TPX2: variants seen among roughly 807,000 people sequenced by gnomAD.
The protein encoded by TPX2 is targeting protein for Xklp2.
Under a neutral mutation model 93.6 loss-of-function variants are expected in TPX2, and 21 were observed. The observed-to-expected ratio is 0.22, with a 90% CI of 0.16 to 0.32. TPX2 has a LOEUF of 0.32. TPX2 is among the 10% of genes least tolerant of loss of function. The probability of loss-of-function intolerance (pLI) is 1.00; values close to 1 mark genes in which losing one functional copy is unlikely to be tolerated. For synonymous variants in TPX2, 281 were observed against 298.3 expected (o/e 0.94, Z 0.60); for missense variants, 776 against 871.1 (o/e 0.89, Z 1.37).
At chr20:31,788,482 G>C (rs2062081214) in intron 12 of TPX2, among the ~76,000 whole-genome samples, 1 of 147,614 alleles carries the variant, frequency 6.8e-6, no homozygotes, top group African/African-American at 2.5e-5. Flanking sequence ...CAGAATTTAA[G>C]AGCCCACCTT....
At chr20:31,755,636 G>A (rs778444740) in intron 2 of TPX2, among the ~76,000 whole-genome samples, 15 of 151,878 alleles carry the variant, frequency 9.9e-5, no homozygotes, top group Admixed American at 1.3e-4. Context: ...GGCTGTGGGC[G>A]CCTGTAATTC....
Position 31,751,742 on chromosome 20 carries a change from T to A in TPX2, c.-70-5665T>A, listed in dbSNP as rs180748464. Among the ~76,000 whole-genome samples, 154 of 152,286 alleles carry A rather than the reference T, an allele frequency of 1.0e-3. 3 individuals carry two copies. The South Asian group carries it at 0.01, about 10-fold the overall frequency. ...AATGTGGCTATAATGGTTTATACAA[T>A]AATTATTATTATTTTCTGAGATGAA... On this transcript the variant is annotated intron_variant, in intron 2 of 17. Coordinates refer to ENST00000300403, the MANE Select transcript of TPX2 (RefSeq NM_012112.5).
At chr20:31,794,060 ATTC>A (rs1427059498) in intron 14 of TPX2, 36 bp downstream of exon 14, 1 of 1,564,160 alleles carries the variant, frequency 6.4e-7, no homozygotes, top group Non-Finnish European at 8.6e-7. Context: ...GTGTAATACT[ATTC>A]TTTGATCCCT....
chr20:31,753,747 C>T (rs1025849166), intron 2 of TPX2, among the ~76,000 whole-genome samples: 20 of 152,034 alleles, frequency 1.3e-4, no homozygotes, highest in East Asian at 9.6e-4. Flanking sequence ...TGTTTCTGGC[C>T]GGGTGCGGTT....
intron 4 of TPX2, among the ~76,000 whole-genome samples, chr20:31,762,198 A>G (rs2061894692): frequency 6.6e-6 from 1 of 151,946 alleles, no homozygotes; most frequent in Non-Finnish European, 1.5e-5. Flanking sequence ...CACTCTGTTG[A>G]TTGTTTCCTC....
intron 4 of TPX2, among the ~76,000 whole-genome samples, chr20:31,760,723 AC>A (rs1431905153): frequency 1.3e-5 from 2 of 152,256 alleles, no homozygotes; most frequent in East Asian, 3.9e-4. Flanking sequence ...ATTTAATGTA[AC>A]CTAACCTGGG....
At chr20:31,746,480 TTAAC>T (rs1239677006) in intron 2 of TPX2, among the ~76,000 whole-genome samples, 2 of 152,242 alleles carry the variant, frequency 1.3e-5, no homozygotes, top group Admixed American at 6.5e-5. Context: ...TGGGACCATC[TTAAC>T]TAACTATACT....
chr20:31,784,303 A>G (rs6121227), intron 12 of TPX2, among the ~76,000 whole-genome samples: 15,968 of 152,164 alleles, frequency 0.1, 2,784 homozygotes, highest in African/African-American at 0.36. Context: ...ATAGCTGACA[A>G]TTTTACTGTG....
intron 14 of TPX2, 31 bp downstream of exon 14, chr20:31,794,055 A>C: frequency 1.9e-6 from 3 of 1,575,546 alleles, no homozygotes; most frequent in Non-Finnish European, 2.6e-6. Context: ...AAGTAGTGTA[A>C]TACTATTCTT....
intron 4 of TPX2, among the ~76,000 whole-genome samples, chr20:31,763,098 T>C (rs1431958856): frequency 6.6e-6 from 1 of 152,212 alleles, no homozygotes; most frequent in African/African-American, 2.4e-5. Context: ...TTTTGAAGGC[T>C]GGTAATTTGA....
Position 31,757,553 on chromosome 20 carries a change from G to C in TPX2, c.77G>C (p.Gly26Ala). 1.2e-6 allele frequency: 2 copies of C among 1,614,006 alleles called. No homozygotes were observed. Among genetic ancestry groups the C allele is most frequent in the Non-Finnish European group, 1.7e-6 (2 of 1,179,978 alleles). Residue 26 changes from glycine (G) to alanine (A), a missense_variant, in exon 3 of 18, where the codon GGA becomes GCA. This residue lies in a region of TPX2 where 36 missense variants were observed against 58.3 expected (regional missense o/e 0.62). Coordinates refer to ENST00000300403, the MANE Select transcript of TPX2 (RefSeq NM_012112.5). ...AATTTTTCATCCTTGGATGATGAAGGAGATACTCAAAACATAGATTCATGG... is the reference window on the plus strand; with the variant it reads ...AATTTTTCATCCTTGGATGATGAAGCAGATACTCAAAACATAGATTCATGG... Reference protein sequence around the residue: ...FINFSSLDDEGDTQNIDSWFE... With the variant: ...FINFSSLDDEADTQNIDSWFE...
intron 12 of TPX2, among the ~76,000 whole-genome samples, chr20:31,786,406 T>TTTTTTTTTGTTTG (rs1263899033): frequency 2.1e-5 from 3 of 142,746 alleles, no homozygotes; most frequent in African/African-American, 8.5e-5. Context: ...TACTGTTTTT[T>TTTTTTTTTGTTTG]TTTTTTTTTG....
intron 2 of TPX2, among the ~76,000 whole-genome samples, chr20:31,747,986 G>C (rs910543595): frequency 1.4e-4 from 22 of 152,010 alleles, no homozygotes; most frequent in Non-Finnish European, 2.8e-4. Flanking sequence ...AGGTAGTGTC[G>C]TGAAACCGAA....
chr20:31,766,816 T>TA, intron 5 of TPX2, 134 bp downstream of exon 5: 1 of 744,344 alleles, frequency 1.3e-6, no homozygotes, highest in Non-Finnish European at 1.8e-6. Flanking sequence ...TTTTTTTTTT[T>TA]GAGACGGAGT....
intron 4 of TPX2, among the ~76,000 whole-genome samples, chr20:31,764,625 A>G (rs922633980): frequency 6.6e-6 from 1 of 152,206 alleles, no homozygotes; most frequent in Non-Finnish European, 1.5e-5. Context: ...TAGACAGCAT[A>G]TAATTGGGTC....
chr20:31,790,156 T>A (rs2062091273), intron 12 of TPX2, among the ~76,000 whole-genome samples: 1 of 152,226 alleles, frequency 6.6e-6, no homozygotes, highest in African/African-American at 2.4e-5. Flanking sequence ...ATGGTAAACA[T>A]CATTTGACAA....
chr20:31,776,113 G>A (rs528129172), intron 8 of TPX2, 125 bp downstream of exon 8: 2 of 951,064 alleles, frequency 2.1e-6, no homozygotes, highest in Non-Finnish European at 2.6e-6. Context: ...TCGCTCTGTC[G>A]CCCAGGCCGG....
chr20:31,768,802 G>A (rs570249514), intron 5 of TPX2, among the ~76,000 whole-genome samples: 71 of 152,248 alleles, frequency 4.7e-4, no homozygotes, highest in South Asian at 2.3e-3. Context: ...TAGCACTTAC[G>A]AAAAGGGACA....
chr20:31,760,320 A>G, intron 4 of TPX2, 141 bp downstream of exon 4: 1 of 1,116,856 alleles, frequency 9.0e-7, no homozygotes, highest in Non-Finnish European at 1.3e-6. Context: ...TTCATGATAA[A>G]TGTAAAACTA....
Sources: gnomAD v4.1 joint callset for allele counts (sites outside exome capture counted in the v4.1 genomes callset) on GRCh38, gnomAD v4.1.1 for gene constraint, gnomAD v4.1.1 regional missense constraint, MANE v1.5 for transcripts, NCBI Gene and HGNC (gene_info 2026-07-23, HGNC 2026-07-21) for gene names.